IL1RAPL2: variants seen among roughly 807,000 people sequenced by gnomAD.
IL1RAPL2 encodes the protein X-linked interleukin-1 receptor accessory protein-like 2.
IL1RAPL2 carries 3 observed loss-of-function variants against 44.1 expected under a neutral mutation model. That is an observed-to-expected ratio of 0.07 (90% CI 0.03 to 0.18). The LOEUF (loss-of-function observed/expected upper bound fraction) is 0.18. IL1RAPL2 is among the 10% of genes least tolerant of loss of function. The probability of loss-of-function intolerance (pLI) is 1.00; values close to 1 mark genes in which losing one functional copy is unlikely to be tolerated. For synonymous variants in IL1RAPL2, 181 were observed against 178.8 expected (o/e 1.01, Z -0.10); for missense variants, 391 against 496.4 (o/e 0.79, Z 2.02).
intron 3 of IL1RAPL2, among the ~76,000 whole-genome samples, chrX:105,213,103 G>A (rs782807266): frequency 1.8e-5 from 2 of 110,595 alleles, no homozygotes; most frequent in Admixed American, 1.9e-4. Context: ...TCCAGCAAGG[G>A]CACAAAACTG....
intron 1 of IL1RAPL2, among the ~76,000 whole-genome samples, chrX:104,582,912 G>A: frequency 2.4e-5 from 2 of 82,099 alleles, no homozygotes; most frequent in Middle Eastern, 0.014. Flanking sequence ...TTGAGATGAT[G>A]GAGTATTACT....
At chrX:105,307,373 C>A (rs191268776) in intron 5 of IL1RAPL2, among the ~76,000 whole-genome samples, 31 of 86,008 alleles carry the variant, frequency 3.6e-4, no homozygotes, top group Middle Eastern at 5.6e-3. Flanking sequence ...GAGTTCAAGG[C>A]TGCAATGAGC....
At position 105,307,859 on chromosome X, in the gene IL1RAPL2, GC is replaced by G. The variant is rs1348556423; in HGVS notation, c.697+40320del. On this transcript the variant is annotated intron_variant, in intron 5 of 10. Coordinates refer to ENST00000372582, the MANE Select transcript of IL1RAPL2 (RefSeq NM_017416.2). The stretch of plus-strand genomic sequence containing the variant: ...ACTGGCTCCTGTGCCCTTTTAACAT[GC>G]CTCTATTCCTTGAGCACTTCTTTAC... 6.7e-5 allele frequency among the ~76,000 whole-genome samples: 7 copies of G among 104,642 alleles called. No homozygotes were observed. In the East Asian group the frequency reaches 2.1e-3, roughly 31 times the overall value. 90.9% of individuals were successfully genotyped at this position (104,642 alleles called of 115,157 possible).
At chrX:104,891,964 A>G (rs1270828153) in intron 2 of IL1RAPL2, among the ~76,000 whole-genome samples, 2 of 111,479 alleles carry the variant, frequency 1.8e-5, no homozygotes, top group Non-Finnish European at 3.8e-5. Flanking sequence ...TTTGAGATAT[A>G]TCCCATCAAT....
rs150556482 is a variant in IL1RAPL2, at chrX:105,576,987, C to G, written c.772+92600C>G. 5.0e-3 allele frequency among the ~76,000 whole-genome samples: 551 copies of G among 111,311 alleles called. 8 individuals are homozygous for G. The highest frequency in any genetic ancestry group is 0.017 in the African/African-American group (523 of 30,673). On this transcript the variant is annotated intron_variant, in intron 6 of 10. Coordinates refer to ENST00000372582, the MANE Select transcript of IL1RAPL2 (RefSeq NM_017416.2). ...GTTAGTTGCAGGGAAAAAAATTACT[C>G]TATTTTATCATTGATATTCCCAAAT... is the stretch of plus-strand genomic sequence containing the variant.
intron 5 of IL1RAPL2, among the ~76,000 whole-genome samples, chrX:105,305,079 A>G (rs1603055391): frequency 9.0e-6 from 1 of 111,603 alleles, no homozygotes; most frequent in Admixed American, 9.6e-5. Flanking sequence ...GAACAGCAGT[A>G]GAAAGATGGT....
chrX:105,503,332 C>T (rs1414745403), intron 6 of IL1RAPL2, among the ~76,000 whole-genome samples: 1 of 111,028 alleles, frequency 9.0e-6, no homozygotes, highest in African/African-American at 3.3e-5. Flanking sequence ...TATTTGTACT[C>T]CCCAAAAGTT....
intron 2 of IL1RAPL2, among the ~76,000 whole-genome samples, chrX:105,098,302 C>A (rs779039027): frequency 2.7e-4 from 30 of 111,567 alleles, no homozygotes; most frequent in Non-Finnish European, 4.1e-4. Flanking sequence ...CTTCATCAGT[C>A]TCTTGCTTTC....
chrX:104,646,603 A>G (rs1222135059), intron 1 of IL1RAPL2, among the ~76,000 whole-genome samples: 1 of 112,181 alleles, frequency 8.9e-6, no homozygotes, highest in African/African-American at 3.2e-5. Context: ...TTGTAAAAAC[A>G]AAGTTTTATT....
intron 2 of IL1RAPL2, among the ~76,000 whole-genome samples, chrX:104,740,334 A>C (rs769456728): frequency 1.4e-4 from 16 of 110,881 alleles, no homozygotes; most frequent in Non-Finnish European, 2.6e-4. Flanking sequence ...TTGCTTATTT[A>C]ACATAAAATA....
intron 4 of IL1RAPL2, among the ~76,000 whole-genome samples, chrX:105,247,603 ATGTGTGTG>A (rs10588244): frequency 0.033 from 3,156 of 94,997 alleles, 115 homozygotes; most frequent in African/African-American, 0.11. Flanking sequence ...ATATATATAT[ATGTGTGTG>A]TGTGTGTGTG....
chrX:105,447,687 AATATAAATAT>A (rs1244504928), intron 5 of IL1RAPL2, among the ~76,000 whole-genome samples: 2 of 83,592 alleles, frequency 2.4e-5, no homozygotes, highest in African/African-American at 9.8e-5. Context: ...ATATATTAAA[AATATAAATAT>A]ATATAAATAT....
intron 5 of IL1RAPL2, among the ~76,000 whole-genome samples, chrX:105,328,236 A>G (rs2147692228): frequency 8.9e-6 from 1 of 111,930 alleles, no homozygotes; most frequent in Admixed American, 9.5e-5. Context: ...CAGTCCTCAC[A>G]TTGCCTTGTA....
At chrX:104,922,014 G>C (rs1323592224) in intron 2 of IL1RAPL2, among the ~76,000 whole-genome samples, 2 of 112,260 alleles carry the variant, frequency 1.8e-5, no homozygotes, top group South Asian at 3.7e-4. Flanking sequence ...GGTTGTCCCA[G>C]TAGCCCGAGA....
At chrX:105,298,185 T>C in intron 5 of IL1RAPL2, among the ~76,000 whole-genome samples, 1 of 111,534 alleles carries the variant, frequency 9.0e-6, no homozygotes, top group East Asian at 2.8e-4. Context: ...TATAATACAT[T>C]ATTACTAACT....
intron 5 of IL1RAPL2, among the ~76,000 whole-genome samples, chrX:105,365,082 C>A (rs745797451): frequency 7.2e-5 from 8 of 111,377 alleles, no homozygotes; most frequent in African/African-American, 2.6e-4. Flanking sequence ...CCTTCTATAC[C>A]AATTTTTCTG....
rs188156165 is a variant in IL1RAPL2, at chrX:104,712,041, G to A, written c.82+53046G>A. On this transcript the variant is annotated intron_variant, in intron 2 of 10. Coordinates refer to ENST00000372582, the MANE Select transcript of IL1RAPL2 (RefSeq NM_017416.2). The stretch of plus-strand genomic sequence containing the variant: ...CTGTAGTCTTACCACAGAAATAGCT[G>A]GAATTTTGAGAAAAACTGTTTTTGA... 4.4e-3 allele frequency among the ~76,000 whole-genome samples: 486 copies of A among 110,658 alleles called. 3 individuals carry two copies. Among genetic ancestry groups the A allele is most frequent in the Non-Finnish European group, 6.1e-3 (321 of 52,578 alleles).
At chrX:105,567,367 C>A (rs1443438262) in intron 6 of IL1RAPL2, among the ~76,000 whole-genome samples, 2 of 111,581 alleles carry the variant, frequency 1.8e-5, no homozygotes, top group East Asian at 5.7e-4. Context: ...GTTCTCCATA[C>A]TCTGACATAC....
intron 2 of IL1RAPL2, among the ~76,000 whole-genome samples, chrX:104,835,570 C>G (rs1467996395): frequency 9.0e-6 from 1 of 111,098 alleles, no homozygotes; most frequent in Non-Finnish European, 1.9e-5. Context: ...TTACATTTTT[C>G]CTAATACTCC....
Sources: allele counts gnomAD v4.1 joint callset (sites outside exome capture counted in the v4.1 genomes callset), GRCh38; gene constraint gnomAD v4.1.1; transcripts MANE v1.5; gene names NCBI Gene and HGNC (gene_info 2026-07-23, HGNC 2026-07-21).